Variants in MVB12A observed in about 807,000 individuals in gnomAD.
MVB12A encodes multivesicular body subunit 12A.
In MVB12A, 30 loss-of-function variants were observed where a neutral mutation model predicts 34.3. That is an observed-to-expected ratio of 0.88 (90% CI 0.65 to 1.19). The LOEUF is 1.19. MVB12A is among the 50% of genes most tolerant of loss of function. The probability of loss-of-function intolerance (pLI) is 0.00; values close to 1 mark genes in which losing one functional copy is unlikely to be tolerated. For synonymous variants in MVB12A, 158 were observed against 158.9 expected, an observed-to-expected ratio of 0.99 and a Z score of 0.04; for missense variants, 355 against 369.2, an observed-to-expected ratio of 0.96 and a Z score of 0.31.
chr19:17,418,422 C>T (rs2145758804), upstream of MVB12A: 1 of 131,954 alleles, frequency 7.6e-6, no homozygotes, highest in African/African-American at 2.7e-5. Context: ...AGACGAGTTT[C>T]GCTCTTGTTG....
chr19:17,408,272 G>T (rs1196017894), intron 2 of MVB12A, among the ~76,000 whole-genome samples: 2 of 151,888 alleles, frequency 1.3e-5, no homozygotes, highest in Non-Finnish European at 2.9e-5. Context: ...TGGGTGCAGT[G>T]GCTCATGCCT....
chr19:17,411,129 C>A (rs1295880400), intron 2 of MVB12A, among the ~76,000 whole-genome samples: 1 of 150,202 alleles, frequency 6.7e-6, no homozygotes, highest in African/African-American at 2.4e-5. Context: ...CCACTACGCC[C>A]AGCTAATTTT....
At position 17,420,245 on chromosome 19, in the gene MVB12A, G is replaced by A; in HGVS notation, c.90+20G>A. 5.3e-6 allele frequency: 8 copies of A among 1,512,792 alleles called. No individual in the cohort carries two copies. The allele number at this position is 1,512,792 out of a possible 1,614,324, so 93.7% of individuals were successfully genotyped here. On this transcript the variant is annotated intron_variant, in intron 1 of 8. Transcript: ENST00000317040. The stretch of plus-strand genomic sequence containing the variant: ...AGCGCGGTGAGCGGCGTCGAGGGGC[G>A]GGGGTCGAATGGGGGAGGCAGTCGC...
rs1599608072 is a variant in MVB12A, at chr19:17,422,385, G to A, written c.340G>A (p.Ala114Thr). The A allele has an allele frequency of 1.9e-6, 3 of 1,613,650 alleles. No homozygotes were observed. Among genetic ancestry groups the A allele is most frequent in the Non-Finnish European group, 2.5e-6 (3 of 1,179,804 alleles). ...GTGTGTGAAGCTGTTGCCCCTGGGA[G>A]CCACGGACACGGCTGTGTTTGATGT... ...RMCVKLLPLG[A>T]TDTAVFDVRL... The change falls in exon 4 of 9, where the codon GCC becomes ACC. Residue 114 changes from alanine (A) to threonine (T), a missense_variant. By Grantham distance (58) the Ala-to-Thr change is moderately conservative (BLOSUM62 0). Coordinates refer to ENST00000317040, the MANE Select transcript of MVB12A (RefSeq NM_138401.4).
intron 2 of MVB12A, among the ~76,000 whole-genome samples, chr19:17,410,529 T>TATAC: frequency 5.1e-4 from 38 of 74,434 alleles, no homozygotes; most frequent in South Asian, 2.8e-3. Context: ...TATATATATA[T>TATAC]ACACACACAC....
At chr19:17,415,281 TA>T (rs1177948691), upstream of MVB12A, 1 of 152,228 alleles carries the variant, frequency 6.6e-6, no homozygotes, top group Non-Finnish European at 1.5e-5. Flanking sequence ...TACAAGACAT[TA>T]AGGGCTACTT....
intron 7 of MVB12A, 90 bp from the exon 8 acceptor site, chr19:17,424,520 ATTCGGGGAGTG>A (rs2145764948): frequency 2.5e-6 from 3 of 1,211,666 alleles, no homozygotes; most frequent in Non-Finnish European, 3.6e-6. Context: ...CCGAGGGAAT[ATTCGGGGAGTG>A]TTGGGGGGAG....
intron 2 of MVB12A, among the ~76,000 whole-genome samples, chr19:17,410,395 T>C (rs1372334727): frequency 2.0e-5 from 3 of 148,660 alleles, no homozygotes; most frequent in Admixed American, 6.8e-5. Flanking sequence ...GGTCTCAAAC[T>C]CCTAGGCTCC....
intron 2 of MVB12A, among the ~76,000 whole-genome samples, chr19:17,408,410 C>A (rs2074742290): frequency 6.7e-6 from 1 of 148,544 alleles, no homozygotes; most frequent in Non-Finnish European, 1.5e-5. Context: ...ATTTTAAGTA[C>A]ATATATTTAT....
At position 17,424,648 on chromosome 19, in the gene MVB12A, A is replaced by G. The variant is rs2074858863; in HGVS notation, c.730A>G (p.Ile244Val). The change falls in exon 8 of 9, where the codon ATC becomes GTC. Residue 244 changes from isoleucine to valine, a missense_variant. Ile to Val is a conservative substitution (Grantham distance 29). Coordinates refer to ENST00000317040, the MANE Select transcript of MVB12A (RefSeq NM_138401.4). ...LAFSAFGDLT[I>V]KSLADIEEEY... ...CTTCTCTGCTTTTGGGGACCTGACCATCAAGTCTCTGGCGGACATTGAGGA... is the reference window on the plus strand; with the variant it reads ...CTTCTCTGCTTTTGGGGACCTGACCGTCAAGTCTCTGGCGGACATTGAGGA... 9.9e-6 allele frequency: 16 copies of G among 1,612,574 alleles called. No individual in the cohort carries two copies. Among genetic ancestry groups the G allele is most frequent in the Non-Finnish European group, 1.4e-5 (16 of 1,179,366 alleles).
In MVB12A at chr19:17,425,241, C is replaced by G. The variant is rs1241475744; in HGVS notation, c.*248C>G. On this transcript the variant is annotated 3_prime_UTR_variant, in exon 9 of 9. Transcript: ENST00000317040. ...GGGCAGGGCTGGAGCTGGACAGAAG[C>G]CAGTGCCTTTAAGTCATTTGTGTCA... is the stretch of plus-strand genomic sequence containing the variant. 4 of 505,642 alleles carry G rather than the reference C, an allele frequency of 7.9e-6. No homozygotes were observed. Among genetic ancestry groups the G allele is most frequent in the South Asian group, 3.0e-5 (1 of 33,340 alleles). 31.3% of individuals were successfully genotyped at this position (505,642 alleles called of 1,614,324 possible). A position where few individuals can be genotyped will look rare whatever the true frequency, so the allele number is the denominator to read the frequency against.
chr19:17,412,852 C>G (rs2074777459), intron 2 of MVB12A, among the ~76,000 whole-genome samples: 1 of 152,114 alleles, frequency 6.6e-6, no homozygotes, highest in Non-Finnish European at 1.5e-5. Flanking sequence ...GGATGTCATC[C>G]TGTCTTTGTT....
At chr19:17,406,122 C>T (rs1010932106) in exon 2 of MVB12A, 1 of 152,288 alleles carries the variant, frequency 6.6e-6, no homozygotes, top group Non-Finnish European at 1.5e-5. Flanking sequence ...GCCTCTGTCC[C>T]CACCGAGGGG....
intron 4 of MVB12A, chr19:17,423,107 C>T (rs1395487575): frequency 6.3e-6 from 1 of 159,410 alleles, no homozygotes; most frequent in Non-Finnish European, 1.4e-5. Flanking sequence ...AGTCCCAGCA[C>T]TTTGGAAGGC....
intron 2 of MVB12A, among the ~76,000 whole-genome samples, chr19:17,410,529 T>TATATATACACACACACACACAC: frequency 5.4e-5 from 4 of 74,448 alleles, no homozygotes; most frequent in African/African-American, 2.6e-4. Flanking sequence ...TATATATATA[T>TATATATACACACACACACACAC]ACACACACAC....
chr19:17,407,198 G>A (rs559935276), intron 2 of MVB12A, among the ~76,000 whole-genome samples: 1 of 152,284 alleles, frequency 6.6e-6, no homozygotes, highest in South Asian at 2.1e-4. Flanking sequence ...AACAGTCCCA[G>A]CCCTGCAAAC....
chr19:17,418,967 C>T (rs2074819165), upstream of MVB12A: 1 of 151,400 alleles, frequency 6.6e-6, no homozygotes, highest in South Asian at 2.1e-4. Context: ...TGACCCCTGA[C>T]CAGATACCAG....
rs761227090 is a variant in MVB12A at position 17,420,688 on chromosome 19, G to A, written c.286+54G>A. On this transcript the variant is annotated intron_variant, in intron 3 of 8. Coordinates refer to ENST00000317040, the MANE Select transcript of MVB12A (RefSeq NM_138401.4). The stretch of plus-strand genomic sequence containing the variant: ...TCCGGGTCCCTTGCAGGGAGGAGCG[G>A]GGGAGGAGGGACGACGGGCGCGCGG... The A allele has an allele frequency of 9.1e-4, 1,232 of 1,346,872 alleles. 5 individuals are homozygous for A. The highest frequency in any genetic ancestry group is 1.1e-3 in the South Asian group (94 of 84,750). 83.4% of individuals were successfully genotyped at this position (1,346,872 alleles called of 1,614,324 possible).
chr19:17,420,552 C>G lies in MVB12A; in HGVS notation c.204C>G (p.Asn68Lys). Reference protein sequence around the residue: ...SLGSLENPQENVVADIQIVVD... With the variant: ...SLGSLENPQEKVVADIQIVVD... ...TCCACCCCCAGAACCCGCAGGAGAACGTGGTGGCCGATATCCAGATCGTGG... is the reference window on the plus strand; with the variant it reads ...TCCACCCCCAGAACCCGCAGGAGAAGGTGGTGGCCGATATCCAGATCGTGG... The change falls in exon 3 of 9, where the codon AAC (asparagine) becomes AAG (lysine). Residue 68 changes from asparagine (N) to lysine (K), a missense_variant. Transcript: ENST00000317040. 6.2e-7 allele frequency: 1 copy of G among 1,613,822 alleles called. No homozygotes were observed.
Sources: allele counts gnomAD v4.1 joint callset (sites outside exome capture counted in the v4.1 genomes callset), GRCh38; gene constraint gnomAD v4.1.1; transcripts MANE v1.5; gene names NCBI Gene and HGNC (gene_info 2026-07-23, HGNC 2026-07-21).